HCN1: variants seen among roughly 807,000 people sequenced by gnomAD.
HCN1 encodes potassium/sodium hyperpolarization-activated cyclic nucleotide-gated channel 1.
Under a neutral mutation model 78.9 loss-of-function variants are expected in HCN1, and 13 were observed. That is an observed-to-expected ratio of 0.16 (90% CI 0.11 to 0.26). HCN1 has a LOEUF of 0.26. HCN1 is among the 10% of genes least tolerant of loss of function. The pLI is 1.00. For missense variants in HCN1, 810 were observed against 1,154.3 expected (o/e 0.70, Z 4.32); for synonymous variants, 552 against 455.5 (o/e 1.21, Z -2.70).
chr5:45,285,903 C>T (rs1273103665), intron 6 of HCN1, among the ~76,000 whole-genome samples: 3 of 151,894 alleles, frequency 2.0e-5, no homozygotes, highest in Admixed American at 2.0e-4. Context: ...ATCTTATAAA[C>T]AAATCATCAG....
chr5:45,452,977 A>C (rs986205948), intron 3 of HCN1, among the ~76,000 whole-genome samples: 1 of 152,036 alleles, frequency 6.6e-6, no homozygotes, highest in Non-Finnish European at 1.5e-5. Flanking sequence ...ATTCTGTCAT[A>C]TATCTCTAGA....
At chr5:45,507,082 C>A (rs994525281) in intron 2 of HCN1, among the ~76,000 whole-genome samples, 6 of 152,062 alleles carry the variant, frequency 3.9e-5, no homozygotes, top group African/African-American at 1.4e-4. Context: ...TGTTTCACAG[C>A]AAGTCAATTA....
chr5:45,553,197 T>C (rs1407896677), intron 2 of HCN1, among the ~76,000 whole-genome samples: 1 of 151,896 alleles, frequency 6.6e-6, no homozygotes, highest in East Asian at 1.9e-4. Flanking sequence ...GAACGGTGAC[T>C]GGGGTGGACG....
chr5:45,436,030 A>C (rs1740555096), intron 3 of HCN1, among the ~76,000 whole-genome samples: 1 of 152,188 alleles, frequency 6.6e-6, no homozygotes, highest in Non-Finnish European at 1.5e-5. Context: ...TGCATGCTGA[A>C]AAAAATAATT....
chr5:45,647,088 C>T (rs940129046), intron 1 of HCN1, among the ~76,000 whole-genome samples: 1 of 152,142 alleles, frequency 6.6e-6, no homozygotes, highest in East Asian at 1.9e-4. Flanking sequence ...ATAATAGGCC[C>T]TATCTCCCCT....
intron 5 of HCN1, among the ~76,000 whole-genome samples, chr5:45,335,774 T>A (rs1408884520): frequency 6.6e-6 from 1 of 152,082 alleles, no homozygotes; most frequent in Non-Finnish European, 1.5e-5. Context: ...GCTCACTTAA[T>A]CTTTACAACT....
At chr5:45,500,164 G>A (rs1405415402) in intron 2 of HCN1, among the ~76,000 whole-genome samples, 1 of 151,736 alleles carries the variant, frequency 6.6e-6, no homozygotes, top group Admixed American at 6.6e-5. Flanking sequence ...AAAGAATTTG[G>A]GTAATTTAAA....
intron 6 of HCN1, among the ~76,000 whole-genome samples, chr5:45,303,265 C>T (rs937345770): frequency 6.6e-6 from 1 of 152,066 alleles, no homozygotes; most frequent in Non-Finnish European, 1.5e-5. Flanking sequence ...GGAATCAGCT[C>T]CTCTTGTGGA....
At chr5:45,456,897 T>G (rs1276624744) in intron 3 of HCN1, among the ~76,000 whole-genome samples, 2 of 152,036 alleles carry the variant, frequency 1.3e-5, no homozygotes, top group African/African-American at 4.8e-5. Flanking sequence ...AATGCATCAT[T>G]TATTTGTTAT....
intron 4 of HCN1, among the ~76,000 whole-genome samples, chr5:45,366,673 G>T (rs977117615): frequency 6.6e-6 from 1 of 151,750 alleles, no homozygotes; most frequent in Non-Finnish European, 1.5e-5. Flanking sequence ...AATATAATCT[G>T]AAGAATAATT....
intron 2 of HCN1, among the ~76,000 whole-genome samples, chr5:45,564,668 ATTATC>A (rs1743672306): frequency 6.6e-6 from 1 of 152,176 alleles, no homozygotes; most frequent in African/African-American, 2.4e-5. Context: ...AAATACTCCT[ATTATC>A]TTCATTTCTA....
intron 1 of HCN1, among the ~76,000 whole-genome samples, chr5:45,675,229 G>A (rs1380520116): frequency 2.0e-5 from 3 of 151,678 alleles, no homozygotes; most frequent in African/African-American, 7.3e-5. Context: ...TTCAGATGTG[G>A]CATGAGATCA....
At chr5:45,656,877 A>G (rs1032398555) in intron 1 of HCN1, among the ~76,000 whole-genome samples, 1 of 152,072 alleles carries the variant, frequency 6.6e-6, no homozygotes, top group African/African-American at 2.4e-5. Flanking sequence ...TCATTTCTAC[A>G]TATTTAGTGT....
chr5:45,619,096 A>C (rs1288843005), intron 2 of HCN1, among the ~76,000 whole-genome samples: 1 of 152,070 alleles, frequency 6.6e-6, no homozygotes, highest in East Asian at 1.9e-4. Flanking sequence ...TTTTTTCTTA[A>C]GTGAGGAATC....
chr5:45,446,846 T>C (rs1740809066), intron 3 of HCN1, among the ~76,000 whole-genome samples: 2 of 151,936 alleles, frequency 1.3e-5, no homozygotes, highest in Admixed American at 6.6e-5. Context: ...CTGAGAGATT[T>C]TGTCACCACC....
At chr5:45,517,335 T>A (rs1272976130) in intron 2 of HCN1, among the ~76,000 whole-genome samples, 1 of 151,796 alleles carries the variant, frequency 6.6e-6, no homozygotes, top group East Asian at 1.9e-4. Flanking sequence ...ACTTTTTGGA[T>A]GAGTTTGTTT....
chr5:45,570,208 C>T (rs1743797353), intron 2 of HCN1, among the ~76,000 whole-genome samples: 1 of 151,436 alleles, frequency 6.6e-6, no homozygotes, highest in East Asian at 1.9e-4. Context: ...TCCTTTGTTC[C>T]TCTCTCGCTT....
chr5:45,406,917 A>C (rs1181946676), intron 3 of HCN1, among the ~76,000 whole-genome samples: 2 of 152,188 alleles, frequency 1.3e-5, no homozygotes, highest in African/African-American at 2.4e-5. Flanking sequence ...ATTAGTCAAA[A>C]ACTTTTAATG....
chr5:45,316,444 C>G (rs1257683920), intron 5 of HCN1, among the ~76,000 whole-genome samples: 3 of 152,082 alleles, frequency 2.0e-5, no homozygotes, highest in South Asian at 2.1e-4. Flanking sequence ...AAGACAAACC[C>G]ACAGTCAATA....
Sources: gnomAD v4.1 joint callset for allele counts (sites outside exome capture counted in the v4.1 genomes callset) on GRCh38, gnomAD v4.1.1 for gene constraint, MANE v1.5 for transcripts, NCBI Gene and HGNC (gene_info 2026-07-23, HGNC 2026-07-21) for gene names.